Variants in ROBO1 observed in about 807,000 individuals in gnomAD.
The protein encoded by ROBO1 is roundabout homolog 1.
Under a neutral mutation model 195.9 loss-of-function variants are expected in ROBO1, and 149 were observed. That is an observed-to-expected ratio of 0.76 (90% CI 0.67 to 0.87). The LOEUF (loss-of-function observed/expected upper bound fraction) is 0.87, where lower values mean the gene tolerates loss of function less well. Ranked by LOEUF, ROBO1 falls within the 40% of genes least tolerant of loss-of-function variation. The pLI, the probability that ROBO1 is intolerant of heterozygous loss-of-function variation, is 0.00. For synonymous variants in ROBO1, 816 were observed against 733.2 expected (o/e 1.11, Z -1.82); for missense variants, 1,933 against 2,068.3 (o/e 0.93, Z 1.27).
chr3:78,969,042 A>G (rs2076708123), intron 3 of ROBO1, among the ~76,000 whole-genome samples: 1 of 152,204 alleles, frequency 6.6e-6, no homozygotes, highest in Non-Finnish European at 1.5e-5. Context: ...GTAAGCTGAA[A>G]TCATCTGATT....
intron 21 of ROBO1, among the ~76,000 whole-genome samples, chr3:78,644,146 C>A (rs1030105127): frequency 6.6e-6 from 1 of 152,068 alleles, no homozygotes; most frequent in Non-Finnish European, 1.5e-5. Flanking sequence ...CATACACACA[C>A]AATGACACAC....
At chr3:79,120,469 T>G (rs2080096243) in intron 3 of ROBO1, among the ~76,000 whole-genome samples, 1 of 152,156 alleles carries the variant, frequency 6.6e-6, no homozygotes, top group African/African-American at 2.4e-5. Flanking sequence ...CTTTTTTGAT[T>G]TTGATATTCT....
At chr3:79,493,534 TTTTTG>T (rs1217442467) in intron 2 of ROBO1, among the ~76,000 whole-genome samples, 2 of 152,008 alleles carry the variant, frequency 1.3e-5, no homozygotes, top group Non-Finnish European at 2.9e-5. Flanking sequence ...CATTGACTAG[TTTTTG>T]TTTTGTTTTG....
chr3:79,618,084 G>T (rs1366707288), intron 1 of ROBO1, among the ~76,000 whole-genome samples: 5 of 151,532 alleles, frequency 3.3e-5, no homozygotes, highest in Non-Finnish European at 7.4e-5. Flanking sequence ...AAAGAAAAAA[G>T]AATTTTTAAA....
chr3:79,053,335 G>T (rs909586632), intron 3 of ROBO1, among the ~76,000 whole-genome samples: 1 of 151,808 alleles, frequency 6.6e-6, no homozygotes, highest in East Asian at 1.9e-4. Context: ...TCTAACTCCA[G>T]TGACTTTGGA....
At chr3:79,143,605 T>C (rs2080579970) in intron 2 of ROBO1, among the ~76,000 whole-genome samples, 1 of 152,100 alleles carries the variant, frequency 6.6e-6, no homozygotes, top group Admixed American at 6.6e-5. Context: ...ATATACTATA[T>C]GCATCATGAA....
intron 1 of ROBO1, among the ~76,000 whole-genome samples, chr3:79,719,924 G>C (rs1030231137): frequency 6.6e-6 from 1 of 152,132 alleles, no homozygotes; most frequent in African/African-American, 2.4e-5. Flanking sequence ...ATTTGAGGGA[G>C]AGCATAGATC....
At position 78,801,780 on chromosome 3, in the gene ROBO1, G is replaced by A. The variant is rs1043605781; in HGVS notation, c.500-54880C>T. On this transcript the variant is annotated intron_variant, in intron 4 of 30. Transcript: ENST00000464233. ...TAGTAATACAACTCATTTGAACATG[G>A]AATGCCTCTAAATAATTTACAAACA... 4.6e-5 allele frequency among the ~76,000 whole-genome samples: 7 copies of A among 152,124 alleles called. No homozygotes were observed. In the East Asian group the frequency reaches 1.4e-3, roughly 29 times the overall value.
chr3:78,884,260 C>T (rs2036365641), intron 4 of ROBO1, among the ~76,000 whole-genome samples: 1 of 152,048 alleles, frequency 6.6e-6, no homozygotes, highest in Admixed American at 6.6e-5. Context: ...AGAAGCAATG[C>T]AGTGGAAAAT....
intron 3 of ROBO1, among the ~76,000 whole-genome samples, chr3:79,070,248 T>C (rs1337348109): frequency 6.6e-6 from 1 of 151,894 alleles, no homozygotes; most frequent in Non-Finnish European, 1.5e-5. Context: ...CAAGTTGTTG[T>C]TACTGTTATT....
At chr3:79,103,298 G>C (rs944727976) in intron 3 of ROBO1, among the ~76,000 whole-genome samples, 1 of 151,726 alleles carries the variant, frequency 6.6e-6, no homozygotes, top group African/African-American at 2.4e-5. Flanking sequence ...CATACAAACA[G>C]GAATGAGCTA....
At chr3:79,570,562 A>G (rs185647501) in intron 2 of ROBO1, among the ~76,000 whole-genome samples, 72 of 152,250 alleles carry the variant, frequency 4.7e-4, no homozygotes, top group African/African-American at 1.5e-3. Flanking sequence ...AATTTCATAC[A>G]AGTTAATTAA....
intron 26 of ROBO1, among the ~76,000 whole-genome samples, chr3:78,624,316 T>C (rs1704627972): frequency 6.6e-6 from 1 of 152,154 alleles, no homozygotes; most frequent in African/African-American, 2.4e-5. Context: ...AGTAAACATA[T>C]AGAATATACA....
intron 1 of ROBO1, among the ~76,000 whole-genome samples, chr3:79,698,207 T>A (rs1475681004): frequency 6.6e-6 from 1 of 151,526 alleles, no homozygotes; most frequent in Non-Finnish European, 1.5e-5. Flanking sequence ...ACTAGAAATT[T>A]GTTTGCCAAA....
At chr3:78,763,682 T>C (rs1237216657) in intron 4 of ROBO1, among the ~76,000 whole-genome samples, 24 of 152,210 alleles carry the variant, frequency 1.6e-4, no homozygotes, top group Admixed American at 1.6e-3. Flanking sequence ...CTTACTCTTA[T>C]GTTAGTCTTT....
intron 10 of ROBO1, among the ~76,000 whole-genome samples, chr3:78,679,323 C>A (rs1212554551): frequency 1.3e-5 from 2 of 152,010 alleles, no homozygotes; most frequent in African/African-American, 4.8e-5. Context: ...AAGTTCTGGC[C>A]AGGGCAATTA....
chr3:79,745,894 A>G (rs1168312405), intron 1 of ROBO1, among the ~76,000 whole-genome samples: 1 of 151,934 alleles, frequency 6.6e-6, no homozygotes, highest in Admixed American at 6.6e-5. Context: ...TTAATTATGA[A>G]CCCCTGCTTT....
At chr3:79,386,944 G>A (rs2036771673) in intron 2 of ROBO1, among the ~76,000 whole-genome samples, 1 of 152,078 alleles carries the variant, frequency 6.6e-6, no homozygotes, top group Admixed American at 6.5e-5. Context: ...GTATTACAGA[G>A]ATTTACAGTG....
intron 2 of ROBO1, among the ~76,000 whole-genome samples, chr3:79,400,689 C>T (rs33918105): frequency 0.4 from 61,305 of 151,698 alleles, 12,630 homozygotes; most frequent in Admixed American, 0.51. Context: ...TAATGCATGT[C>T]CTAAATTCAT....
Sources: gnomAD v4.1 joint callset for allele counts (sites outside exome capture counted in the v4.1 genomes callset) on GRCh38, gnomAD v4.1.1 for gene constraint, MANE v1.5 for transcripts, NCBI Gene and HGNC (gene_info 2026-07-23, HGNC 2026-07-21) for gene names.